The following MEI4 variants were observed in gnomAD, a reference collection of about 807,000 sequenced individuals.
MEI4 encodes meiotic double-stranded break formation protein 4.
MEI4 carries 27 observed loss-of-function variants against 31.4 expected under a neutral mutation model. The observed-to-expected ratio is 0.86, with a 90% confidence interval of 0.63 to 1.19. MEI4 has a LOEUF of 1.19. MEI4 is among the 50% of genes most tolerant of loss of function. The probability of loss-of-function intolerance (pLI) is 0.00; values close to 1 mark genes in which losing one functional copy is unlikely to be tolerated. For missense variants in MEI4, 329 were observed against 398.9 expected, an observed-to-expected ratio of 0.82 and a Z score of 1.49; for synonymous variants, 122 against 145.4, an observed-to-expected ratio of 0.84 and a Z score of 1.16.
chr6:77,704,639 G>C (rs1260357923), intron 2 of MEI4, among the ~76,000 whole-genome samples: 1 of 152,036 alleles, frequency 6.6e-6, no homozygotes, highest in African/African-American at 2.4e-5. Flanking sequence ...AGCAGTTTGT[G>C]GCTTAACAGG....
intron 4 of MEI4, among the ~76,000 whole-genome samples, chr6:77,909,470 A>C (rs549758948): frequency 5.3e-5 from 8 of 152,304 alleles, no homozygotes; most frequent in African/African-American, 1.7e-4. Context: ...GAAATGAATG[A>C]ATTCCTCAGC....
At chr6:77,667,129 A>T (rs904708005) in intron 1 of MEI4, among the ~76,000 whole-genome samples, 1 of 152,174 alleles carries the variant, frequency 6.6e-6, no homozygotes, top group Admixed American at 6.5e-5. Context: ...CTGAATTTTA[A>T]TTTCCTTAGC....
Position 77,712,322 on chromosome 6 carries a change from A to C in MEI4, c.232+21419A>C, listed in dbSNP as rs149601112. Among the ~76,000 whole-genome samples the C allele has an allele frequency of 4.2e-3, 646 of 152,314 alleles. 6 individuals are homozygous for C. Among genetic ancestry groups the C allele is most frequent in the African/African-American group, 0.012 (507 of 41,566 alleles). On this transcript the variant is annotated intron_variant, in intron 2 of 4. Coordinates refer to ENST00000684080, the MANE Select transcript of MEI4 (RefSeq NM_001322247.2). ...TTTTCGAACAGTTCCAAGCTGTTAA[A>C]TTTACTTAAATAATGGGGATATTAT...
At position 77,884,308 on chromosome 6, in the gene MEI4, C is replaced by T. The variant is rs529093172; in HGVS notation, c.901-38781C>T. Reference sequence around the variant, plus strand: ...TTTTCCCTCATTTAACAAATTGTTCCTTCACTCTGTTGATTTTTCCTTTGT... The same window carrying T: ...TTTTCCCTCATTTAACAAATTGTTCTTTCACTCTGTTGATTTTTCCTTTGT... On this transcript the variant is annotated intron_variant, in intron 4 of 4. Coordinates refer to ENST00000684080, the MANE Select transcript of MEI4 (RefSeq NM_001322247.2). 7.9e-5 allele frequency among the ~76,000 whole-genome samples: 12 copies of T among 152,174 alleles called. No individual in the cohort carries two copies. The South Asian group carries it at 2.5e-3, about 32-fold the overall frequency.
At chr6:77,759,676 T>C (rs1379108246) in intron 2 of MEI4, among the ~76,000 whole-genome samples, 1 of 152,172 alleles carries the variant, frequency 6.6e-6, no homozygotes, top group East Asian at 1.9e-4. Flanking sequence ...AGATTACATA[T>C]TGATATTTTG....
chr6:77,704,310 A>T (rs6940848), intron 2 of MEI4, among the ~76,000 whole-genome samples: 2,883 of 152,132 alleles, frequency 0.019, 65 homozygotes, highest in East Asian at 0.088. Context: ...TCTTTTTTCA[A>T]CTGCCTTTGG....
rs189063106 is a variant in MEI4, at chr6:77,910,014, A to T, written c.901-13075A>T. On this transcript the variant is annotated intron_variant, in intron 4 of 4. Transcript: ENST00000684080. ...CCTTTGACAAAATTCAACAACCTTC[A>T]TGCTAAAAACTCTGAATAAATTAGG... 0.023 allele frequency among the ~76,000 whole-genome samples: 3,434 copies of T among 152,220 alleles called. 325 individuals are homozygous for T. In the East Asian group the frequency reaches 0.3, roughly 13 times the overall value.
chr6:77,844,446 T>C lies in MEI4; in HGVS notation c.900+15384T>C, dbSNP rs566084285. ...CTTCCATCAATATATGAATACACTG[T>C]GGTTAATTTCAACAATGTTCTGAAG... On this transcript the variant is annotated intron_variant, in intron 4 of 4. Coordinates refer to ENST00000684080, the MANE Select transcript of MEI4 (RefSeq NM_001322247.2). 2.1e-4 allele frequency among the ~76,000 whole-genome samples: 32 copies of C among 152,290 alleles called. No homozygotes were observed. In the South Asian group the frequency reaches 6.6e-3, roughly 32 times the overall value.
Position 77,724,882 on chromosome 6 carries a change from C to T in MEI4, c.232+33979C>T, listed in dbSNP as rs1251662083. Reference sequence around the variant, plus strand: ...GCTACATATTCGCAATGTAAACTTTCGGTTTCTTTCTGGGATTTTTTCCTT... The same window carrying T: ...GCTACATATTCGCAATGTAAACTTTTGGTTTCTTTCTGGGATTTTTTCCTT... On this transcript the variant is annotated intron_variant, in intron 2 of 4. Coordinates refer to ENST00000684080, the MANE Select transcript of MEI4 (RefSeq NM_001322247.2). Among the ~76,000 whole-genome samples the T allele has an allele frequency of 6.1e-5, 9 of 146,622 alleles. No individual in the cohort carries two copies. In the East Asian group the frequency reaches 9.9e-4, roughly 16 times the overall value.
At chr6:77,875,571 AGT>A in intron 4 of MEI4, among the ~76,000 whole-genome samples, 1 of 152,202 alleles carries the variant, frequency 6.6e-6, no homozygotes, top group South Asian at 2.1e-4. Flanking sequence ...AGCTATTGCT[AGT>A]GATTTGTCAG....
intron 4 of MEI4, among the ~76,000 whole-genome samples, chr6:77,906,548 C>A (rs1175280888): frequency 6.6e-6 from 1 of 152,138 alleles, no homozygotes; most frequent in African/African-American, 2.4e-5. Context: ...TACTAGGGTC[C>A]TTTCAGTCTT....
chr6:77,829,405 A>C (rs1263846786), intron 4 of MEI4, among the ~76,000 whole-genome samples: 5 of 152,144 alleles, frequency 3.3e-5, no homozygotes, highest in African/African-American at 1.2e-4. Context: ...GAGGATTCTA[A>C]ATGGAGAGTA....
intron 4 of MEI4, among the ~76,000 whole-genome samples, chr6:77,856,427 A>G (rs1770746607): frequency 6.6e-6 from 1 of 152,126 alleles, no homozygotes; most frequent in Non-Finnish European, 1.5e-5. Flanking sequence ...TACCTATGCC[A>G]TTGTATACAT....
At chr6:77,713,527 A>G (rs996564179) in intron 2 of MEI4, among the ~76,000 whole-genome samples, 2 of 152,214 alleles carry the variant, frequency 1.3e-5, no homozygotes, top group Non-Finnish European at 2.9e-5. Context: ...GTGAAATTGA[A>G]TGATGGGCAT....
intron 2 of MEI4, among the ~76,000 whole-genome samples, chr6:77,697,107 G>T (rs574559186): frequency 2.6e-5 from 4 of 152,086 alleles, no homozygotes; most frequent in Non-Finnish European, 1.5e-5. Context: ...GTGATCGGTG[G>T]TGTTATTCCC....
intron 4 of MEI4, among the ~76,000 whole-genome samples, chr6:77,906,062 TATC>T (rs1430667079): frequency 6.6e-6 from 1 of 152,154 alleles, no homozygotes. Flanking sequence ...CTGTAAAATT[TATC>T]ATTTTTTAAT....
intron 2 of MEI4, among the ~76,000 whole-genome samples, chr6:77,747,317 T>TA (rs534170334): frequency 1.9e-4 from 28 of 150,284 alleles, no homozygotes; most frequent in African/African-American, 5.1e-4. Context: ...AGACTCCATC[T>TA]AAAAAAAAAG....
intron 2 of MEI4, among the ~76,000 whole-genome samples, chr6:77,701,209 A>G (rs1766214630): frequency 6.6e-6 from 1 of 152,160 alleles, no homozygotes; most frequent in Non-Finnish European, 1.5e-5. Flanking sequence ...CTCCTGTTAA[A>G]GAGGGACTCT....
intron 1 of MEI4, among the ~76,000 whole-genome samples, chr6:77,663,094 A>G (rs1768543727): frequency 6.6e-6 from 1 of 152,264 alleles, no homozygotes; most frequent in African/African-American, 2.4e-5. Context: ...AGGAGAGTAT[A>G]TGGGTTTGGC....
Sources: allele counts gnomAD v4.1 joint callset (sites outside exome capture counted in the v4.1 genomes callset), GRCh38; gene constraint gnomAD v4.1.1; transcripts MANE v1.5; gene names NCBI Gene and HGNC (gene_info 2026-07-23, HGNC 2026-07-21).